Variants in SPAG16 observed in about 807,000 individuals in gnomAD.
SPAG16 encodes sperm associated antigen 16, also known as sperm-associated antigen 16 protein.
A neutral mutation model predicts 80.4 loss-of-function variants in SPAG16; 86 were observed. The ratio of observed to expected loss-of-function variants is 1.07; its 90% CI spans 0.90 to 1.28. The LOEUF (loss-of-function observed/expected upper bound fraction) is 1.28, where lower values mean the gene tolerates loss of function less well. SPAG16 is among the 50% of genes most tolerant of loss of function. The pLI is 0.00. For missense variants in SPAG16, 870 were observed against 765.3 expected (o/e 1.14, Z -1.61); for synonymous variants, 294 against 265.9 (o/e 1.11, Z -1.03).
At chr2:213,478,304 T>C (rs2073539818) in intron 9 of SPAG16, among the ~76,000 whole-genome samples, 1 of 152,180 alleles carries the variant, frequency 6.6e-6, no homozygotes, top group Non-Finnish European at 1.5e-5. Flanking sequence ...TTAAATTTTG[T>C]CATGAGGTTA....
chr2:213,450,330 A>T (rs1559144999), intron 9 of SPAG16, among the ~76,000 whole-genome samples: 1 of 152,168 alleles, frequency 6.6e-6, no homozygotes, highest in African/African-American at 2.4e-5. Context: ...AAAAAAGAAC[A>T]AGAAAAGAAA....
intron 9 of SPAG16, among the ~76,000 whole-genome samples, chr2:213,383,210 A>G (rs540242318): frequency 2.0e-5 from 3 of 152,316 alleles, no homozygotes; most frequent in African/African-American, 7.2e-5. Context: ...TAATATATGT[A>G]TAAACACTTT....
At chr2:213,754,131 C>G (rs1477430457) in intron 10 of SPAG16, among the ~76,000 whole-genome samples, 1 of 152,090 alleles carries the variant, frequency 6.6e-6, no homozygotes, top group Non-Finnish European at 1.5e-5. Context: ...CAGATCAAAT[C>G]CAATAATCTC....
chr2:214,233,344 A>ATGATGATGATG lies in SPAG16; in HGVS notation c.1720+84078_1720+84079insTGATGATGATG, dbSNP rs377652832. On this transcript the variant is annotated intron_variant, in intron 15 of 15. Coordinates refer to ENST00000331683, the MANE Select transcript of SPAG16 (RefSeq NM_024532.5). ...CTAATTCTCAGTAAAAATAGATAAT[A>ATGATGATGATG]ATGATGATGATGATGATGATGATGA... Among the ~76,000 whole-genome samples the ATGATGATGATG allele has an allele frequency of 2.4e-4, 36 of 148,646 alleles. 1 individual carries two copies. The highest frequency in any genetic ancestry group is 6.7e-4 in the Admixed American group (10 of 14,952).
chr2:214,294,492 G>A (rs1470826284), intron 15 of SPAG16, among the ~76,000 whole-genome samples: 1 of 152,126 alleles, frequency 6.6e-6, no homozygotes, highest in East Asian at 1.9e-4. Context: ...GCATATAATA[G>A]CTGCATCTAG....
intron 10 of SPAG16, among the ~76,000 whole-genome samples, chr2:213,655,225 A>C (rs1343231295): frequency 6.6e-6 from 1 of 152,202 alleles, no homozygotes; most frequent in African/African-American, 2.4e-5. Flanking sequence ...CGTATATAGG[A>C]TCACGAGGCA....
chr2:214,380,213 T>C (rs1047743082), intron 15 of SPAG16, among the ~76,000 whole-genome samples: 1 of 152,176 alleles, frequency 6.6e-6, no homozygotes, highest in African/African-American at 2.4e-5. Context: ...TTTAAAACAG[T>C]GCAAATTTCA....
chr2:213,837,350 A>G (rs933507909), intron 10 of SPAG16, among the ~76,000 whole-genome samples: 1 of 152,254 alleles, frequency 6.6e-6, no homozygotes, highest in African/African-American at 2.4e-5. Context: ...TAAAAGAAAC[A>G]TCATTTACAG....
intron 3 of SPAG16, among the ~76,000 whole-genome samples, chr2:213,300,950 A>G (rs189573150): frequency 3.5e-4 from 53 of 152,268 alleles, no homozygotes; most frequent in African/African-American, 1.3e-3. Flanking sequence ...TTAATATACC[A>G]AAATATAGTC....
chr2:213,554,934 AATG>A (rs2059380562), intron 10 of SPAG16, among the ~76,000 whole-genome samples: 1 of 152,256 alleles, frequency 6.6e-6, no homozygotes, highest in African/African-American at 2.4e-5. Context: ...CATCTAAAGA[AATG>A]ATAGCACAAA....
At chr2:213,406,075 A>G (rs1575503128) in intron 9 of SPAG16, among the ~76,000 whole-genome samples, 1 of 152,352 alleles carries the variant, frequency 6.6e-6, no homozygotes, top group East Asian at 1.9e-4. Context: ...CTTTAAGCTG[A>G]TAGTGGCAAA....
chr2:213,907,417 A>G (rs926622099), intron 11 of SPAG16, among the ~76,000 whole-genome samples: 2 of 152,104 alleles, frequency 1.3e-5, no homozygotes, highest in Non-Finnish European at 2.9e-5. Flanking sequence ...AAATTTATAC[A>G]TGATCAATGT....
Position 213,298,488 on chromosome 2 carries a change from C to T in SPAG16, c.279+1131C>T, listed in dbSNP as rs181542779. 3.2e-3 allele frequency among the ~76,000 whole-genome samples: 493 copies of T among 152,246 alleles called. 2 individuals are homozygous for T. Among genetic ancestry groups the T allele is most frequent in the African/African-American group, 0.011 (456 of 41,570 alleles). ...TTCTTTATGTACCACTCATTTGTAT[C>T]GGTATTTGGTAAAGTACATGTGGCT... On this transcript the variant is annotated intron_variant, in intron 3 of 15. Coordinates refer to ENST00000331683, the MANE Select transcript of SPAG16 (RefSeq NM_024532.5).
chr2:213,536,709 A>G (rs983081352), intron 10 of SPAG16, among the ~76,000 whole-genome samples: 14 of 151,866 alleles, frequency 9.2e-5, no homozygotes, highest in Middle Eastern at 3.2e-3. Context: ...GTTTGAGTTC[A>G]TTGTAGATTC....
intron 11 of SPAG16, among the ~76,000 whole-genome samples, chr2:213,881,615 G>A (rs1301800807): frequency 6.6e-6 from 1 of 152,170 alleles, no homozygotes; most frequent in Non-Finnish European, 1.5e-5. Flanking sequence ...TTCTCCACAA[G>A]GCGGCAGGAA....
chr2:213,288,886 G>A (rs1034990000), intron 1 of SPAG16, among the ~76,000 whole-genome samples: 4 of 152,000 alleles, frequency 2.6e-5, no homozygotes, highest in Non-Finnish European at 5.9e-5. Flanking sequence ...TTAGATATTA[G>A]AACATACATA....
intron 9 of SPAG16, among the ~76,000 whole-genome samples, chr2:213,436,905 G>T (rs2070671003): frequency 6.6e-6 from 1 of 151,626 alleles, no homozygotes. Flanking sequence ...ACGCAAAAAT[G>T]ATAAACTCTT....
intron 15 of SPAG16, among the ~76,000 whole-genome samples, chr2:214,230,350 C>A (rs1434368360): frequency 2.0e-5 from 3 of 151,876 alleles, no homozygotes; most frequent in Admixed American, 1.3e-4. Flanking sequence ...TCTAGAAAAA[C>A]CAAAGAATAC....
At chr2:213,547,250 G>C (rs2076641894) in intron 10 of SPAG16, among the ~76,000 whole-genome samples, 1 of 151,904 alleles carries the variant, frequency 6.6e-6, no homozygotes, top group Non-Finnish European at 1.5e-5. Context: ...TAATATAATA[G>C]AAAAGGGCTC....
Sources: allele counts gnomAD v4.1 joint callset (sites outside exome capture counted in the v4.1 genomes callset), GRCh38; gene constraint gnomAD v4.1.1; transcripts MANE v1.5; gene names NCBI Gene and HGNC (gene_info 2026-07-23, HGNC 2026-07-21).